Variants in WDR49 observed in about 807,000 individuals in gnomAD.
WDR49 encodes the protein cilia- and flagella-associated protein 337.
Under a neutral mutation model 119.5 loss-of-function variants are expected in WDR49, and 107 were observed. The observed-to-expected ratio is 0.90, with a 90% confidence interval of 0.77 to 1.05. WDR49 has a LOEUF of 1.05. Among genes scored for constraint, WDR49 ranks in the 50% least tolerant of loss-of-function variants. The probability of loss-of-function intolerance (pLI) is 0.00; values close to 1 mark genes in which losing one functional copy is unlikely to be tolerated. For missense variants in WDR49, 1,240 were observed against 1,220.5 expected, an observed-to-expected ratio of 1.02 and a Z score of -0.24; for synonymous variants, 425 against 418.8, an observed-to-expected ratio of 1.01 and a Z score of -0.18.
intron 7 of WDR49, among the ~76,000 whole-genome samples, chr3:167,579,613 G>T: frequency 6.6e-6 from 1 of 151,850 alleles, no homozygotes; most frequent in Non-Finnish European, 1.5e-5. Flanking sequence ...GGGTTTTCTT[G>T]CCAAAGATTT....
At chr3:167,496,739 G>A (rs1751369733) in intron 18 of WDR49, among the ~76,000 whole-genome samples, 1 of 152,016 alleles carries the variant, frequency 6.6e-6, no homozygotes, top group Non-Finnish European at 1.5e-5. Context: ...TCTATCCTAG[G>A]AAAAGCTAAA....
Position 167,490,581 on chromosome 3 carries a change from G to C in WDR49, c.3031+9572C>G, listed in dbSNP as rs181358525. ...AGATTATTTTTCTTTACCGGTGCTA[G>C]ATTTAAAATTATACTCTAAAACAAA... is the stretch of plus-strand genomic sequence containing the variant. On this transcript the variant is annotated intron_variant, in intron 18 of 18. Transcript: ENST00000682715. 2.7e-4 allele frequency among the ~76,000 whole-genome samples: 41 copies of C among 152,130 alleles called. No homozygotes were observed. The East Asian group carries it at 7.0e-3, about 26-fold the overall frequency.
chr3:167,518,094 T>C (rs2108227745), intron 16 of WDR49, among the ~76,000 whole-genome samples: 1 of 152,208 alleles, frequency 6.6e-6, no homozygotes, highest in East Asian at 1.9e-4. Flanking sequence ...TAGTATTCCA[T>C]GGTGTATATG....
At chr3:167,559,962 A>C in intron 9 of WDR49, 102 bp downstream of exon 9, 1 of 1,297,596 alleles carries the variant, frequency 7.7e-7, no homozygotes, top group South Asian at 1.8e-5. Context: ...CTCTTCTTGC[A>C]ATACCAAAAA....
chr3:167,556,938 T>C (rs1444891287), intron 9 of WDR49, among the ~76,000 whole-genome samples: 2 of 152,114 alleles, frequency 1.3e-5, no homozygotes, highest in Non-Finnish European at 1.5e-5. Flanking sequence ...AGCAGGAGAA[T>C]AGCTTGAACC....
intron 2 of WDR49, among the ~76,000 whole-genome samples, chr3:167,650,062 A>G (rs1259476862): frequency 6.6e-6 from 1 of 152,204 alleles, no homozygotes; most frequent in Non-Finnish European, 1.5e-5. Context: ...ACAGAGATCA[A>G]CAATGGAGAA....
intron 7 of WDR49, among the ~76,000 whole-genome samples, chr3:167,600,574 G>A (rs961896075): frequency 1.3e-5 from 2 of 152,170 alleles, no homozygotes; most frequent in Non-Finnish European, 2.9e-5. Flanking sequence ...TCTATCCCAT[G>A]ATCTTGCTCC....
At position 167,527,918 on chromosome 3, in the gene WDR49, A is replaced by C; in HGVS notation, c.2506T>G (p.Cys836Gly). The change falls in exon 15 of 19, where the codon TGT becomes GGT. Residue 836 changes from cysteine (C) to glycine (G), a missense_variant. By Grantham distance (159) the Cys-to-Gly change is radical (BLOSUM62 -3). Coordinates refer to ENST00000682715, the MANE Select transcript of WDR49 (RefSeq NM_001366157.1). ...HEDRISSLEM[C>G]EPGGQLLIIS... ...ATCAGTAACTGACCACCTGGCTCAC[A>C]CATCTCTAAGGAACTTATTCGGTCC... is the stretch of plus-strand genomic sequence containing the variant. 1 of 1,613,342 alleles carries C rather than the reference A, an allele frequency of 6.2e-7. No homozygotes were observed. The highest frequency in any genetic ancestry group is 8.5e-7 in the Non-Finnish European group (1 of 1,179,596).
chr3:167,537,075 A>G, intron 10 of WDR49, 75 bp from the exon 11 acceptor site: 1 of 1,368,716 alleles, frequency 7.3e-7, no homozygotes, highest in Non-Finnish European at 9.6e-7. Flanking sequence ...ATCCACTTGA[A>G]TGATGTGATC....
At chr3:167,559,578 T>C (rs1197489689) in intron 9 of WDR49, among the ~76,000 whole-genome samples, 1 of 152,234 alleles carries the variant, frequency 6.6e-6, no homozygotes, top group Admixed American at 6.5e-5. Flanking sequence ...CTTTCTACTG[T>C]CTGAATTTCA....
upstream of WDR49, among the ~76,000 whole-genome samples, chr3:167,655,695 C>G (rs1718581144): frequency 6.6e-6 from 1 of 152,094 alleles, no homozygotes; most frequent in Admixed American, 6.5e-5. Flanking sequence ...GTCAGGAGTT[C>G]AAGACCAGCC....
intron 7 of WDR49, among the ~76,000 whole-genome samples, chr3:167,597,426 T>G (rs942539997): frequency 2.0e-5 from 3 of 152,100 alleles, no homozygotes; most frequent in Admixed American, 1.3e-4. Context: ...AAGCCTCCAC[T>G]AAGGCAGTTC....
chr3:167,603,296 A>T (rs1715870663), intron 6 of WDR49, among the ~76,000 whole-genome samples: 1 of 152,144 alleles, frequency 6.6e-6, no homozygotes, highest in Non-Finnish European at 1.5e-5. Flanking sequence ...CAAAGTAATT[A>T]TTATTATACA....
intron 7 of WDR49, among the ~76,000 whole-genome samples, chr3:167,591,836 T>C (rs1386313672): frequency 6.6e-6 from 1 of 152,136 alleles, no homozygotes; most frequent in Non-Finnish European, 1.5e-5. Flanking sequence ...CTTGTTTTTT[T>C]TTATCCAATC....
chr3:167,551,827 A>G (rs1382858802), intron 10 of WDR49, among the ~76,000 whole-genome samples: 3 of 152,016 alleles, frequency 2.0e-5, no homozygotes, highest in African/African-American at 7.2e-5. Context: ...AATATCACCA[A>G]GTATCTAGTA....
At chr3:167,586,001 G>A (rs1410494933) in intron 7 of WDR49, among the ~76,000 whole-genome samples, 2 of 152,092 alleles carry the variant, frequency 1.3e-5, no homozygotes, top group African/African-American at 4.8e-5. Context: ...GATGGAAGTC[G>A]GGATGGGGAA....
chr3:167,486,435 C>T (rs992268992), intron 18 of WDR49, among the ~76,000 whole-genome samples: 5 of 151,994 alleles, frequency 3.3e-5, no homozygotes, highest in African/African-American at 4.8e-5. Context: ...GGGCTAAACA[C>T]CTTACTTAAA....
intron 18 of WDR49, among the ~76,000 whole-genome samples, chr3:167,491,361 G>A: frequency 6.6e-6 from 1 of 152,150 alleles, no homozygotes; most frequent in East Asian, 1.9e-4. Flanking sequence ...ACATTTTCAT[G>A]TTCTAGAAAC....
chr3:167,604,503 A>C, intron 5 of WDR49, 35 bp from the exon 6 acceptor site: 1 of 1,533,576 alleles, frequency 6.5e-7, no homozygotes, highest in Non-Finnish European at 8.8e-7. Context: ...AACAATCTTT[A>C]GTTGATTCTT....
Sources: gnomAD v4.1 joint callset for allele counts (sites outside exome capture counted in the v4.1 genomes callset) on GRCh38, gnomAD v4.1.1 for gene constraint, MANE v1.5 for transcripts, NCBI Gene and HGNC (gene_info 2026-07-23, HGNC 2026-07-21) for gene names.